PTCD2: variants seen among roughly 807,000 people sequenced by gnomAD.
PTCD2 encodes pentatricopeptide repeat domain 2, also known as pentatricopeptide repeat-containing protein 2, mitochondrial.
PTCD2 carries 31 observed loss-of-function variants against 42.6 expected under a neutral mutation model. That is an observed-to-expected ratio of 0.73 (90% CI 0.55 to 0.98). PTCD2 has a LOEUF of 0.98. Ranked by LOEUF, PTCD2 falls within the 50% of genes least tolerant of loss-of-function variation. PTCD2 has a pLI of 0.00. For missense variants in PTCD2, 476 were observed against 454.8 expected (o/e 1.05, Z -0.42); for synonymous variants, 183 against 170.9 (o/e 1.07, Z -0.55).
intron 8 of PTCD2, among the ~76,000 whole-genome samples, chr5:72,352,209 G>A (rs1013149726): frequency 9.9e-5 from 15 of 152,060 alleles, no homozygotes; most frequent in Middle Eastern, 3.2e-3. Flanking sequence ...GTGCAGTGCC[G>A]CAATCTCGTC....
chr5:72,327,401 G>T (rs1273113576), intron 3 of PTCD2, among the ~76,000 whole-genome samples: 2 of 152,082 alleles, frequency 1.3e-5, no homozygotes, highest in Non-Finnish European at 2.9e-5. Context: ...CCAGGGAGCA[G>T]TATGACATCA....
At position 72,364,704 on chromosome 5, in the gene PTCD2, T is replaced by A. The variant is rs1305150713; in HGVS notation, c.*6277T>A. 6.6e-6 allele frequency: 1 copy of A among 152,138 alleles called. No individual in the cohort carries two copies. The highest frequency in any genetic ancestry group is 2.4e-5 in the African/African-American group (1 of 41,422). The allele number at this position is 152,138 out of a possible 1,614,324, so 9.4% of individuals were successfully genotyped here. On this transcript the variant is annotated 3_prime_UTR_variant, in exon 10 of 10. Coordinates refer to ENST00000380639, the MANE Select transcript of PTCD2 (RefSeq NM_024754.5). ...TCTCATAAACTGGTTGCTGTTTCTG[T>A]CCCGGTTTTACACATGACAGAGCCA...
rs1360169121 is a variant in PTCD2, at chr5:72,367,524, A to C, written c.*9097A>C. 4 of 152,246 alleles carry C rather than the reference A, an allele frequency of 2.6e-5. No homozygotes were observed. 9.4% of individuals were successfully genotyped at this position (152,246 alleles called of 1,614,324 possible). A position where few individuals can be genotyped will look rare whatever the true frequency, so the allele number is the denominator to read the frequency against. ...CACAGAGTTGGTATGGTTTGGCCAC[A>C]CCAGCTCAGGGATAAAGGTACTAGA... On this transcript the variant is annotated 3_prime_UTR_variant, in exon 10 of 10. Transcript: ENST00000380639.
intron 3 of PTCD2, 109 bp from the exon 4 acceptor site, chr5:72,331,149 C>T (rs1751420882): frequency 1.4e-6 from 1 of 728,268 alleles, no homozygotes; most frequent in Non-Finnish European, 2.5e-6. Context: ...TGTGAGAGGA[C>T]TTCGTTCTCT....
At chr5:72,335,161 G>T in intron 5 of PTCD2, 65 bp downstream of exon 5, 1 of 889,916 alleles carries the variant, frequency 1.1e-6, no homozygotes, top group South Asian at 1.4e-5. Flanking sequence ...GAACTAGGGG[G>T]AAAAATGAGT....
At chr5:72,329,752 G>A (rs968444905) in intron 3 of PTCD2, among the ~76,000 whole-genome samples, 3 of 152,080 alleles carry the variant, frequency 2.0e-5, no homozygotes, top group African/African-American at 7.2e-5. Context: ...CCATTTTACA[G>A]ATGAGGAGAC....
intron 3 of PTCD2, among the ~76,000 whole-genome samples, chr5:72,328,155 A>G (rs1303411451): frequency 4.6e-5 from 7 of 152,170 alleles, no homozygotes; most frequent in African/African-American, 1.4e-4. Flanking sequence ...CACAGTAACT[A>G]TTTATTATTT....
chr5:72,335,067 A>G lies in PTCD2; in HGVS notation c.518A>G (p.Asp173Gly). 3.8e-6 allele frequency: 6 copies of G among 1,586,226 alleles called. No individual in the cohort carries two copies. Among genetic ancestry groups the G allele is most frequent in the Non-Finnish European group, 5.2e-6 (6 of 1,155,318 alleles). Residue 173 changes from aspartate (D) to glycine (G), a missense_variant, in exon 5 of 10, where the codon GAT (aspartate) becomes GGT (glycine). Physicochemically the swap from Asp to Gly is moderately conservative, Grantham distance 94 (BLOSUM62 -1). Transcript: ENST00000380639. ...SDSTSFNILM[D>G]MLFIKGKYKS... ...TCCACATCATTCAATATTTTGATGG[A>G]TATGTTATTTATCAAAGGCAAATAT...
chr5:72,355,909 G>C (rs1752853600), intron 9 of PTCD2, among the ~76,000 whole-genome samples: 1 of 152,130 alleles, frequency 6.6e-6, no homozygotes, highest in Non-Finnish European at 1.5e-5. Context: ...ATTGGCACTA[G>C]AGGGCAGTGG....
At chr5:72,355,262 G>A (rs562206110) in intron 9 of PTCD2, among the ~76,000 whole-genome samples, 11 of 152,160 alleles carry the variant, frequency 7.2e-5, no homozygotes, top group African/African-American at 2.6e-4. Flanking sequence ...ATATTTTAAT[G>A]TTTCACCGCA....
At chr5:72,342,858 C>A in intron 7 of PTCD2, 104 bp from the exon 8 acceptor site, 1 of 524,960 alleles carries the variant, frequency 1.9e-6, no homozygotes, top group Non-Finnish European at 3.2e-6. Context: ...GACTTCAAAA[C>A]CCTGAGGTCA....
chr5:72,347,912 A>C (rs902872110), intron 8 of PTCD2, among the ~76,000 whole-genome samples: 1 of 152,180 alleles, frequency 6.6e-6, no homozygotes, highest in Admixed American at 6.5e-5. Context: ...CTATGGATGC[A>C]GTGGAATGGG....
Position 72,367,404 on chromosome 5 carries a change from A to C in PTCD2, c.*8977A>C, listed in dbSNP as rs909011434. On this transcript the variant is annotated 3_prime_UTR_variant, in exon 10 of 10. Transcript: ENST00000380639. ...ATAGATACATTCTTGAAAACCACCC[A>C]AAGTACCTAGAGGAGACCCTAGTGC... The C allele has an allele frequency of 6.6e-6, 1 of 152,232 alleles. No individual in the cohort carries two copies. The highest frequency in any genetic ancestry group is 2.4e-5 in the African/African-American group (1 of 41,450). 9.4% of individuals were successfully genotyped at this position (152,232 alleles called of 1,614,324 possible).
At chr5:72,322,579 G>A (rs1750918375) in intron 2 of PTCD2, among the ~76,000 whole-genome samples, 1 of 152,174 alleles carries the variant, frequency 6.6e-6, no homozygotes. Context: ...CATCTATTGG[G>A]TGGTTGATAG....
chr5:72,364,412 G>A lies in PTCD2; in HGVS notation c.*5985G>A, dbSNP rs1753155787. ...AAGGAAGACCTTTTGCTGGTGTTTTGTAAAACCAGTTGTCTGTGTCATTTA... is the reference window on the plus strand; with the variant it reads ...AAGGAAGACCTTTTGCTGGTGTTTTATAAAACCAGTTGTCTGTGTCATTTA... On this transcript the variant is annotated 3_prime_UTR_variant, in exon 10 of 10. Transcript: ENST00000380639. 1 of 152,172 alleles carries A rather than the reference G, an allele frequency of 6.6e-6. No individual in the cohort carries two copies. The highest frequency in any genetic ancestry group is 2.4e-5 in the African/African-American group (1 of 41,442). 9.4% of individuals were successfully genotyped at this position (152,172 alleles called of 1,614,324 possible). A position where few individuals can be genotyped will look rare whatever the true frequency, so the allele number is the denominator to read the frequency against.
At chr5:72,356,881 G>T (rs1309423467) in intron 9 of PTCD2, among the ~76,000 whole-genome samples, 1 of 152,098 alleles carries the variant, frequency 6.6e-6, no homozygotes, top group African/African-American at 2.4e-5. Context: ...TTATATATTT[G>T]GAAGAGGTGG....
chr5:72,352,584 C>G (rs1257560932), intron 8 of PTCD2, 57 bp from the exon 9 acceptor site: 1 of 813,648 alleles, frequency 1.2e-6, no homozygotes, highest in East Asian at 2.6e-5. Flanking sequence ...AGGTACATTT[C>G]TCAGCATTGA....
intron 1 of PTCD2, 63 bp downstream of exon 1, chr5:72,320,572 C>T (rs1750767065): frequency 1.9e-6 from 3 of 1,601,596 alleles, no homozygotes; most frequent in Non-Finnish European, 8.5e-7. Context: ...TGTTAGATCC[C>T]AGCTAGCATC....
intron 6 of PTCD2, among the ~76,000 whole-genome samples, chr5:72,337,068 T>C (rs944741085): frequency 6.6e-6 from 1 of 152,192 alleles, no homozygotes; most frequent in Non-Finnish European, 1.5e-5. Context: ...TTTGGTATTA[T>C]ATAGCTTATA....
Sources: allele counts gnomAD v4.1 joint callset (sites outside exome capture counted in the v4.1 genomes callset), GRCh38; gene constraint gnomAD v4.1.1; transcripts MANE v1.5; gene names NCBI Gene and HGNC (gene_info 2026-07-23, HGNC 2026-07-21).